AKAP7: variants seen among roughly 807,000 people sequenced by gnomAD.
AKAP7 encodes the protein A kinase (PRKA) anchor protein 7.
Under a neutral mutation model 39.5 loss-of-function variants are expected in AKAP7, and 39 were observed. The observed-to-expected ratio is 0.99, with a 90% confidence interval of 0.76 to 1.29. The LOEUF is 1.29. Among genes scored for constraint, AKAP7 ranks in the 50% most tolerant of loss-of-function variants. AKAP7 has a pLI of 0.00. For missense variants in AKAP7, 414 were observed against 407.7 expected (o/e 1.02, Z -0.13); for synonymous variants, 140 against 139.1 (o/e 1.01, Z -0.05).
At chr6:131,166,806 T>C (rs2128242289) in intron 4 of AKAP7, among the ~76,000 whole-genome samples, 1 of 152,326 alleles carries the variant, frequency 6.6e-6, no homozygotes, top group Middle Eastern at 3.4e-3. Context: ...CTCTGATTTT[T>C]AACTTTTTAT....
intron 7 of AKAP7, among the ~76,000 whole-genome samples, chr6:131,271,397 TTTTA>T (rs1296867085): frequency 6.6e-6 from 1 of 152,162 alleles, no homozygotes; most frequent in Non-Finnish European, 1.5e-5. Context: ...TTTTGTTTTG[TTTTA>T]TTATCTATAT....
chr6:131,235,756 G>A (rs1810997928), intron 7 of AKAP7, among the ~76,000 whole-genome samples: 2 of 152,100 alleles, frequency 1.3e-5, no homozygotes, highest in Admixed American at 6.6e-5. Flanking sequence ...TGATGGGGTT[G>A]TTTGTTTTTT....
rs943501326 is a variant in AKAP7 at position 131,199,533 on chromosome 6, C to T, written c.662C>T (p.Thr221Ile). The T allele has an allele frequency of 1.9e-6, 3 of 1,611,736 alleles. No individual in the cohort carries two copies. Among genetic ancestry groups the T allele is most frequent in the Non-Finnish European group, 2.5e-6 (3 of 1,178,164 alleles). Reference protein sequence around the residue: ...GESRSFKPHLTFMKLSKSPWL... With the variant: ...GESRSFKPHLIFMKLSKSPWL... ...AGCAGAAGTTTTAAACCTCATTTGA[C>T]CTTCATGAAGTTGTCAAAATCACCG... is the stretch of plus-strand genomic sequence containing the variant. The change falls in exon 6 of 8, where the codon ACC (threonine) becomes ATC (isoleucine). Residue 221 changes from threonine to isoleucine, a missense_variant. By Grantham distance (89) the Thr-to-Ile change is moderately conservative. Coordinates refer to ENST00000431975, the MANE Select transcript of AKAP7 (RefSeq NM_016377.4).
rs147541027 is a variant in AKAP7, at chr6:131,274,883, C to T, written c.851-6647C>T. 8.9e-4 allele frequency among the ~76,000 whole-genome samples: 136 copies of T among 152,176 alleles called. 1 individual carries two copies. The highest frequency in any genetic ancestry group is 1.5e-3 in the Non-Finnish European group (100 of 68,028). ...CTCCCTGCCTCTCCATCATCCCTGT[C>T]GCCATGCCTGGAAACTCTTATTCAT... is the stretch of plus-strand genomic sequence containing the variant. On this transcript the variant is annotated intron_variant, in intron 7 of 7. Coordinates refer to ENST00000431975, the MANE Select transcript of AKAP7 (RefSeq NM_016377.4).
At chr6:131,276,506 T>C (rs1398415564) in intron 7 of AKAP7, among the ~76,000 whole-genome samples, 1 of 152,016 alleles carries the variant, frequency 6.6e-6, no homozygotes. Context: ...CAGATCTATA[T>C]TTAGTGCTTC....
chr6:131,219,550 G>A lies in AKAP7; in HGVS notation c.703-111G>A, dbSNP rs75053963. 4.0e-5 allele frequency: 38 copies of A among 955,046 alleles called. No homozygotes were observed. The East Asian group carries it at 1.0e-3, about 26-fold the overall frequency. The allele number at this position is 955,046 out of a possible 1,614,324, so 59.2% of individuals were successfully genotyped here. A position where few individuals can be genotyped will look rare whatever the true frequency, so the allele number is the denominator to read the frequency against. On this transcript the variant is annotated intron_variant, in intron 6 of 7. Coordinates refer to ENST00000431975, the MANE Select transcript of AKAP7 (RefSeq NM_016377.4). Reference sequence around the variant, plus strand: ...TATCCATTTCAAGTGCCAGTAGGCAGTGGTGTAACAATGTAGTAATGTAAT... The same window carrying A: ...TATCCATTTCAAGTGCCAGTAGGCAATGGTGTAACAATGTAGTAATGTAAT...
chr6:131,129,980 AG>A, the AKAP7 span, among the ~76,000 whole-genome samples: 1 of 152,200 alleles, frequency 6.6e-6, no homozygotes, highest in Non-Finnish European at 1.5e-5. Context: ...ACCGTATCAC[AG>A]AAGAGAAATG....
rs557484948 is a variant in AKAP7, at chr6:131,281,628, G to C, written c.949G>C (p.Glu317Gln). 1 of 1,613,728 alleles carries C rather than the reference G, an allele frequency of 6.2e-7. No homozygotes were observed. Among genetic ancestry groups the C allele is most frequent in the South Asian group, 1.1e-5 (1 of 91,032 alleles). ...GCTCAAGGCTGTCCAGCAGTATCTG[G>C]AGGAAACACAGAATAAAAACAAGCC... ...AVLKAVQQYL[E>Q]ETQNKNKPGE... is the part of the protein sequence containing the mutation. The change falls in exon 8 of 8, where the codon GAG becomes CAG. Residue 317 changes from glutamate (E) to glutamine (Q), a missense_variant. Transcript: ENST00000431975. This position sits in a 1 kb window ranked among gnomAD's most constrained non-coding sequence, Gnocchi z 4.0.
chr6:131,270,154 CAG>C (rs1406317423), intron 7 of AKAP7, among the ~76,000 whole-genome samples: 2 of 152,158 alleles, frequency 1.3e-5, no homozygotes, highest in Non-Finnish European at 2.9e-5. Flanking sequence ...GTAATCAGCA[CAG>C]AGTCATAGCA....
At chr6:131,161,209 A>C (rs563653126) in intron 3 of AKAP7, among the ~76,000 whole-genome samples, 33 of 152,346 alleles carry the variant, frequency 2.2e-4, no homozygotes, top group Middle Eastern at 3.4e-3. Flanking sequence ...TCTGTGAGAC[A>C]CAGTTTAGCT....
chr6:131,150,759 C>G (rs1801846002), intron 2 of AKAP7, among the ~76,000 whole-genome samples: 1 of 152,078 alleles, frequency 6.6e-6, no homozygotes, highest in Non-Finnish European at 1.5e-5. Flanking sequence ...TTTTTCCAGG[C>G]TCAAGTTCAT....
At chr6:131,240,229 G>A (rs1035112540) in intron 7 of AKAP7, among the ~76,000 whole-genome samples, 34 of 152,186 alleles carry the variant, frequency 2.2e-4, no homozygotes, top group Admixed American at 9.8e-4. Flanking sequence ...GCGGATATTG[G>A]TGAACAGCAA....
intron 4 of AKAP7, among the ~76,000 whole-genome samples, chr6:131,166,143 T>C (rs1803465467): frequency 6.6e-6 from 1 of 152,174 alleles, no homozygotes; most frequent in Non-Finnish European, 1.5e-5. Flanking sequence ...CTCATGTCTT[T>C]AGAGGTCAAT....
At chr6:131,135,880 G>A in intron 1 of AKAP7, 98 bp downstream of exon 1, 1 of 1,183,216 alleles carries the variant, frequency 8.5e-7, no homozygotes, top group Non-Finnish European at 1.1e-6. Flanking sequence ...CCTGACCCGC[G>A]CCGGCCCTTC....
Position 131,160,058 on chromosome 6 carries a change from G to C in AKAP7, c.152-1G>C. 6.3e-7 allele frequency: 1 copy of C among 1,576,346 alleles called. No individual in the cohort carries two copies. The highest frequency in any genetic ancestry group is 8.6e-7 in the Non-Finnish European group (1 of 1,168,912). ...CGTATTGTTTGACTTTTTTCCTCTAGTCACTGATGAACCTCAAATAAATTT... is the reference window on the plus strand; with the variant it reads ...CGTATTGTTTGACTTTTTTCCTCTACTCACTGATGAACCTCAAATAAATTT... On this transcript the variant is annotated splice_acceptor_variant, in intron 2 of 7. Coordinates refer to ENST00000431975, the MANE Select transcript of AKAP7 (RefSeq NM_016377.4). LOFTEE classifies it high-confidence loss of function.
chr6:131,140,405 C>T (rs889101001), intron 1 of AKAP7, among the ~76,000 whole-genome samples: 3 of 152,148 alleles, frequency 2.0e-5, no homozygotes, highest in Non-Finnish European at 2.9e-5. Flanking sequence ...ATTAATTGAG[C>T]TCAGGAGAAA....
chr6:131,146,722 CTGCTTT>C (rs1801517500), intron 2 of AKAP7, among the ~76,000 whole-genome samples: 1 of 152,176 alleles, frequency 6.6e-6, no homozygotes, highest in African/African-American at 2.4e-5. Flanking sequence ...AACAAATCAT[CTGCTTT>C]AGTCTCTTCA....
chr6:131,200,170 C>G (rs1807414577), intron 6 of AKAP7: 1 of 152,342 alleles, frequency 6.6e-6, no homozygotes. Flanking sequence ...ATCCAAGTGA[C>G]AAGTCTTTTG....
chr6:131,273,484 C>CT (rs1424850355), intron 7 of AKAP7, among the ~76,000 whole-genome samples: 12 of 152,094 alleles, frequency 7.9e-5, no homozygotes, highest in African/African-American at 2.6e-4. Flanking sequence ...TTTGCTGTGC[C>CT]TCTTTTTGTT....
Sources: gnomAD v4.1 joint callset for allele counts (sites outside exome capture counted in the v4.1 genomes callset) on GRCh38, gnomAD v4.1.1 for gene constraint, Gnocchi (gnomAD v3.1) non-coding constraint, MANE v1.5 for transcripts, NCBI Gene and HGNC (gene_info 2026-07-23, HGNC 2026-07-21) for gene names.